The following PINX1 variants were observed in gnomAD, a reference collection of about 807,000 sequenced individuals.
The protein encoded by PINX1 is PIN2 (TERF1) interacting telomerase inhibitor 1, also known as PIN2/TERF1-interacting telomerase inhibitor 1.
PINX1 carries 34 observed loss-of-function variants against 25.4 expected under a neutral mutation model. That is an observed-to-expected ratio of 1.34 (90% CI 1.02 to 1.78). PINX1 has a LOEUF of 1.78. Among genes scored for constraint, PINX1 ranks in the 40% most tolerant of loss-of-function variants. The pLI is 0.00. For missense variants in PINX1, 592 were observed against 404.9 expected, an observed-to-expected ratio of 1.46 and a Z score of -3.97; for synonymous variants, 197 against 147.7, an observed-to-expected ratio of 1.33 and a Z score of -2.42.
chr8:10,829,955 A>G (rs1798180555), intron 4 of PINX1, among the ~76,000 whole-genome samples: 1 of 152,146 alleles, frequency 6.6e-6, no homozygotes, highest in Non-Finnish European at 1.5e-5. Context: ...AAGTGCTGGT[A>G]TTACACCGTG....
At chr8:10,832,254 T>G (rs1469917014) in intron 3 of PINX1, among the ~76,000 whole-genome samples, 1 of 152,144 alleles carries the variant, frequency 6.6e-6, no homozygotes, top group Non-Finnish European at 1.5e-5. Context: ...TGAGTTCCCA[T>G]TTGTAAGGTG....
intron 6 of PINX1, among the ~76,000 whole-genome samples, chr8:10,800,011 G>T (rs1186887608): frequency 6.6e-6 from 1 of 152,206 alleles, no homozygotes; most frequent in Non-Finnish European, 1.5e-5. Context: ...AGCCGAGACT[G>T]CGATCCAGGT....
At chr8:10,807,885 G>A (rs1802504638) in intron 6 of PINX1, among the ~76,000 whole-genome samples, 1 of 152,176 alleles carries the variant, frequency 6.6e-6, no homozygotes, top group African/African-American at 2.4e-5. Flanking sequence ...TAGTCCTGAG[G>A]GAGCCGGGAG....
intron 1 of PINX1, among the ~76,000 whole-genome samples, chr8:10,835,474 C>T (rs558776684): frequency 2.0e-5 from 3 of 152,298 alleles, no homozygotes; most frequent in African/African-American, 7.2e-5. Context: ...GTCAACTGTA[C>T]CCTCCACACA....
chr8:10,765,914 G>T lies in PINX1; in HGVS notation c.474C>A (p.Gly158=), dbSNP rs762236736. 2.5e-6 allele frequency: 4 copies of T among 1,612,386 alleles called. No homozygotes were observed. Among genetic ancestry groups the T allele is most frequent in the Non-Finnish European group, 3.4e-6 (4 of 1,179,326 alleles). ...CCTCTGGAGTGGAGGGACTGGCATC[G>T]CCCTATGGTGGGCAGAAGAGTTAAA... ...GKRQSKKTPE[G]DASPSTPEEN... is the part of the protein sequence containing the mutation. The change falls in exon 7 of 7, where the codon GGC becomes GGA. Residue 158 remains glycine, a splice_region_variant and synonymous_variant. Transcript: ENST00000314787.
At chr8:10,830,936 C>T (rs770838257) in intron 4 of PINX1, among the ~76,000 whole-genome samples, 1 of 152,190 alleles carries the variant, frequency 6.6e-6, no homozygotes, top group Admixed American at 6.5e-5. Flanking sequence ...ATCCAGCAAT[C>T]CACTCCCAGG....
intron 6 of PINX1, among the ~76,000 whole-genome samples, chr8:10,818,307 C>T (rs1049905671): frequency 6.6e-6 from 1 of 152,200 alleles, no homozygotes; most frequent in African/African-American, 2.4e-5. Flanking sequence ...TTTGAAGCTC[C>T]TCAAACACAG....
chr8:10,806,977 A>T (rs973057312), intron 6 of PINX1, among the ~76,000 whole-genome samples: 1 of 152,216 alleles, frequency 6.6e-6, no homozygotes, highest in African/African-American at 2.4e-5. Context: ...CTGCCTCTGC[A>T]AACAGCTTCC....
chr8:10,802,101 A>T (rs925263205), intron 6 of PINX1, among the ~76,000 whole-genome samples: 3 of 152,180 alleles, frequency 2.0e-5, no homozygotes, highest in Non-Finnish European at 4.4e-5. Context: ...GAAATGAACA[A>T]GTTAAAAAGG....
chr8:10,792,860 T>G (rs1801966746), intron 6 of PINX1, among the ~76,000 whole-genome samples: 1 of 152,194 alleles, frequency 6.6e-6, no homozygotes, highest in Non-Finnish European at 1.5e-5. Flanking sequence ...TGTTAGTTAG[T>G]GTGAGTATAC....
intron 4 of PINX1, among the ~76,000 whole-genome samples, chr8:10,828,739 C>G (rs6990055): frequency 0.43 from 65,523 of 152,000 alleles, 15,851 homozygotes; most frequent in African/African-American, 0.66. Context: ...CGGAGTCTGA[C>G]TTATGCACCA....
chr8:10,780,061 T>C (rs544635848), intron 6 of PINX1, among the ~76,000 whole-genome samples: 30 of 152,350 alleles, frequency 2.0e-4, no homozygotes, highest in African/African-American at 7.2e-4. Context: ...GATTTTTGTA[T>C]GTTGATCATG....
chr8:10,788,566 A>G (rs890331357), intron 6 of PINX1, among the ~76,000 whole-genome samples: 1 of 151,632 alleles, frequency 6.6e-6, no homozygotes, highest in Admixed American at 6.6e-5. Context: ...CACTGTCTCA[A>G]AAAAAAAACA....
intron 5 of PINX1, 90 bp downstream of exon 5, chr8:10,826,062 A>C (rs1389949615): frequency 1.5e-6 from 1 of 667,976 alleles, no homozygotes; most frequent in African/African-American, 1.8e-5. Context: ...TAAAGCATGA[A>C]GTCGCTATTG....
Position 10,765,784 on chromosome 8 carries a change from T to C in PINX1, c.604A>G (p.Ile202Val), listed in dbSNP as rs763569454. The C allele has an allele frequency of 1.2e-6, 2 of 1,613,996 alleles. No homozygotes were observed. Among genetic ancestry groups the C allele is most frequent in the Admixed American group, 3.3e-5 (2 of 60,028 alleles). ...TTACGTTCCACCTGCGTCTCAGAAA[T>C]GTCAGACCCTGGAACTGGAACCTGG... The part of the protein sequence containing the change: ...KPQVPVPGSD[I>V]SETQVERKRG... The change falls in exon 7 of 7, where the codon ATT (isoleucine) becomes GTT (valine). Residue 202 changes from isoleucine (I) to valine (V), a missense_variant. By Grantham distance (29) the Ile-to-Val change is conservative (BLOSUM62 3). Coordinates refer to ENST00000314787, the MANE Select transcript of PINX1 (RefSeq NM_017884.6).
chr8:10,783,408 C>T (rs558458523), intron 6 of PINX1, among the ~76,000 whole-genome samples: 10 of 152,240 alleles, frequency 6.6e-5, no homozygotes, highest in Non-Finnish European at 1.3e-4. Context: ...TTTGTTGTTC[C>T]CCAAAAGGAC....
intron 6 of PINX1, among the ~76,000 whole-genome samples, chr8:10,776,046 A>G (rs1016404580): frequency 3.3e-5 from 5 of 152,186 alleles, no homozygotes; most frequent in African/African-American, 1.2e-4. Flanking sequence ...TACATTTTTA[A>G]GGTCCATCAC....
At position 10,820,605 on chromosome 8, in the gene PINX1, G is replaced by C. The variant is rs570028567; in HGVS notation, c.395-336C>G. On this transcript the variant is annotated intron_variant, in intron 5 of 6. Coordinates refer to ENST00000314787, the MANE Select transcript of PINX1 (RefSeq NM_017884.6). The stretch of plus-strand genomic sequence containing the variant: ...TCAAGATGCAATTCCTGGGTCTCTG[G>C]GTTCTTCATTTAAAAATAGATCTCA... Among the ~76,000 whole-genome samples, 5 of 152,116 alleles carry C rather than the reference G, an allele frequency of 3.3e-5. No individual in the cohort carries two copies. In the South Asian group the frequency reaches 6.2e-4, roughly 19 times the overall value.
chr8:10,802,073 G>C (rs921860660), intron 6 of PINX1, among the ~76,000 whole-genome samples: 1 of 152,174 alleles, frequency 6.6e-6, no homozygotes, highest in South Asian at 2.1e-4. Context: ...AAAAAGCAAA[G>C]GGCCCAAATG....
Sources: allele counts gnomAD v4.1 joint callset (sites outside exome capture counted in the v4.1 genomes callset), GRCh38; gene constraint gnomAD v4.1.1; transcripts MANE v1.5; gene names NCBI Gene and HGNC (gene_info 2026-07-23, HGNC 2026-07-21).